The following TMEFF2 variants were observed in gnomAD, a reference collection of about 807,000 sequenced individuals.
The protein encoded by TMEFF2 is tomoregulin-2.
TMEFF2 carries 28 observed loss-of-function variants against 53.8 expected under a neutral mutation model. That is an observed-to-expected ratio of 0.52 (90% confidence interval 0.39 to 0.71). The LOEUF is 0.71. Ranked by LOEUF, TMEFF2 falls within the 30% of genes least tolerant of loss-of-function variation. The pLI is 0.00. For synonymous variants in TMEFF2, 162 were observed against 166.3 expected, an observed-to-expected ratio of 0.97 and a Z score of 0.20; for missense variants, 353 against 455.2, an observed-to-expected ratio of 0.78 and a Z score of 2.04.
chr2:192,194,110 G>A lies in TMEFF2; in HGVS notation c.172+243C>T, dbSNP rs1274123779. On this transcript the variant is annotated intron_variant, in intron 1 of 9. Transcript: ENST00000272771. This position sits in a 1 kb window ranked among gnomAD's most constrained non-coding sequence, Gnocchi z 4.2. ...TTCTCAAAATCCTCGCAGCTCCAATGTAAGCGCAAGCATGCAAAGGTTTCC... is the reference window on the plus strand; with the variant it reads ...TTCTCAAAATCCTCGCAGCTCCAATATAAGCGCAAGCATGCAAAGGTTTCC... 6.6e-6 allele frequency among the ~76,000 whole-genome samples: 1 copy of A among 152,134 alleles called. No individual in the cohort carries two copies. The highest frequency in any genetic ancestry group is 1.5e-5 in the Non-Finnish European group (1 of 68,026).
At chr2:192,125,265 G>A (rs1247368098) in intron 4 of TMEFF2, among the ~76,000 whole-genome samples, 1 of 151,956 alleles carries the variant, frequency 6.6e-6, no homozygotes, top group Non-Finnish European at 1.5e-5. Flanking sequence ...TAAAATAAAC[G>A]TTACAGGGAG....
chr2:192,032,477 G>C (rs564695160), intron 5 of TMEFF2: 1 of 152,260 alleles, frequency 6.6e-6, no homozygotes, highest in Non-Finnish European at 1.5e-5. Context: ...ATAAATCCTA[G>C]AAATGAGTTT....
chr2:192,180,589 GC>G (rs1691161350), intron 3 of TMEFF2, among the ~76,000 whole-genome samples: 1 of 151,650 alleles, frequency 6.6e-6, no homozygotes, highest in Non-Finnish European at 1.5e-5. Flanking sequence ...GATATTCTCT[GC>G]CTGATGTGCC....
In TMEFF2 at chr2:192,168,541, C is replaced by T. The variant is rs1012493150; in HGVS notation, c.439+11127G>A. On this transcript the variant is annotated intron_variant, in intron 4 of 9. Transcript: ENST00000272771. ...TCAATTCTTTTCTTTCTGCACACTA[C>T]TTTTGGAGAATGAGGTAGATCACAA... Among the ~76,000 whole-genome samples the T allele has an allele frequency of 1.3e-5, 2 of 152,098 alleles. 1 individual carries two copies. Among genetic ancestry groups the T allele is most frequent in the Non-Finnish European group, 2.9e-5 (2 of 68,016 alleles).
rs948955031 is a variant in TMEFF2 at position 191,949,408 on chromosome 2, T to TAA, written c.*901_*902dup. The TAA allele has an allele frequency of 1.0e-6, 1 of 985,314 alleles. No homozygotes were observed. Among genetic ancestry groups the TAA allele is most frequent in the African/African-American group, 1.7e-5 (1 of 57,248 alleles). The allele number at this position is 985,314 out of a possible 1,614,324, so 61.0% of individuals were successfully genotyped here. A position where few individuals can be genotyped will look rare whatever the true frequency, so the allele number is the denominator to read the frequency against. On this transcript the variant is annotated 3_prime_UTR_variant, in exon 10 of 10. Coordinates refer to ENST00000272771, the MANE Select transcript of TMEFF2 (RefSeq NM_016192.4). Reference sequence around the variant, plus strand: ...ATTCATGGGGTATTGGTTGTGATTCTAACTTCTTTTCAAAGAACTATATAC... The same window carrying TAA: ...ATTCATGGGGTATTGGTTGTGATTCTAAAACTTCTTTTCAAAGAACTATATAC...
intron 4 of TMEFF2, among the ~76,000 whole-genome samples, chr2:192,173,497 G>A (rs1374505818): frequency 5.3e-5 from 8 of 151,652 alleles, no homozygotes; most frequent in Admixed American, 1.3e-4. Flanking sequence ...AATGCTTAGT[G>A]CCCTCACAAA....
intron 4 of TMEFF2, among the ~76,000 whole-genome samples, chr2:192,142,434 C>A (rs1690159544): frequency 6.6e-6 from 1 of 151,960 alleles, no homozygotes; most frequent in African/African-American, 2.4e-5. Flanking sequence ...AAAAGTTACA[C>A]AAATTTCTCG....
chr2:191,992,830 C>G (rs1686139778), intron 7 of TMEFF2: 1 of 152,028 alleles, frequency 6.6e-6, no homozygotes, highest in Non-Finnish European at 1.5e-5. Flanking sequence ...TTGAGTAACT[C>G]TTTTGAGCAT....
chr2:192,137,128 G>A (rs1022972488), intron 4 of TMEFF2, among the ~76,000 whole-genome samples: 1 of 152,214 alleles, frequency 6.6e-6, no homozygotes, highest in Admixed American at 6.5e-5. Flanking sequence ...AAGAAGTGGT[G>A]TGTAATCAGG....
At chr2:192,076,687 C>CCA (rs1195016031) in intron 4 of TMEFF2, among the ~76,000 whole-genome samples, 1 of 152,160 alleles carries the variant, frequency 6.6e-6, no homozygotes, top group African/African-American at 2.4e-5. Flanking sequence ...TCTACTAGCA[C>CCA]CACCTCATTG....
rs769239017 is a variant in TMEFF2 at position 191,998,324 on chromosome 2, G to A, written c.686-3C>T. ...CTTAGTAGTTGTAGTTGTGTTATCT[G>A]TGTTAAAAAATTAACAATAAAAATT... is the stretch of plus-strand genomic sequence containing the variant. On this transcript the variant is annotated splice_region_variant and splice_polypyrimidine_tract_variant and intron_variant, in intron 6 of 9. Transcript: ENST00000272771. 7 of 1,593,130 alleles carry A rather than the reference G, an allele frequency of 4.4e-6. No homozygotes were observed. The South Asian group carries it at 8.0e-5, about 18-fold the overall frequency.
At chr2:192,133,811 C>CT (rs1188978005) in intron 4 of TMEFF2, among the ~76,000 whole-genome samples, 1 of 152,226 alleles carries the variant, frequency 6.6e-6, no homozygotes, top group African/African-American at 2.4e-5. Context: ...TTACTTCAGT[C>CT]AAGCCCAAAT....
intron 5 of TMEFF2, chr2:192,036,362 T>C (rs1374710272): frequency 6.6e-6 from 1 of 152,182 alleles, no homozygotes; most frequent in Non-Finnish European, 1.5e-5. Context: ...AATAAAACTC[T>C]CATGTAAGAT....
intron 4 of TMEFF2, among the ~76,000 whole-genome samples, chr2:192,156,126 G>A (rs938547942): frequency 6.6e-5 from 10 of 151,950 alleles, no homozygotes; most frequent in African/African-American, 2.4e-4. Context: ...CTGGTGCCCA[G>A]GAAACAGATA....
intron 7 of TMEFF2, among the ~76,000 whole-genome samples, chr2:191,959,686 T>A (rs1238227836): frequency 6.6e-6 from 1 of 152,170 alleles, no homozygotes. Flanking sequence ...GAAAATAAGA[T>A]GTTGTTTAGA....
intron 4 of TMEFF2, 33 bp downstream of exon 4, chr2:192,179,635 A>C (rs1269608011): frequency 6.4e-7 from 1 of 1,562,742 alleles, no homozygotes; most frequent in Admixed American, 1.9e-5. Flanking sequence ...ATCCACCAGT[A>C]AATCTTCAAA....
intron 7 of TMEFF2, among the ~76,000 whole-genome samples, 192 bp downstream of exon 7, chr2:191,998,070 C>T (rs1452144981): frequency 6.6e-6 from 1 of 151,862 alleles, no homozygotes; most frequent in African/African-American, 2.4e-5. Context: ...TTAACTCTGG[C>T]AAAAACCGTA....
intron 4 of TMEFF2, among the ~76,000 whole-genome samples, chr2:192,091,191 C>T (rs1019324832): frequency 2.0e-5 from 3 of 152,102 alleles, no homozygotes; most frequent in Non-Finnish European, 4.4e-5. Context: ...GTGGTACTTC[C>T]CCCGTGTGTA....
chr2:191,969,408 A>G (rs1692567899), intron 7 of TMEFF2, among the ~76,000 whole-genome samples: 1 of 152,146 alleles, frequency 6.6e-6, no homozygotes, highest in African/African-American at 2.4e-5. Flanking sequence ...GGTAAGGTGC[A>G]ATATGGCAGA....
Sources: gnomAD v4.1 joint callset for allele counts (sites outside exome capture counted in the v4.1 genomes callset) on GRCh38, gnomAD v4.1.1 for gene constraint, Gnocchi (gnomAD v3.1) non-coding constraint, MANE v1.5 for transcripts, NCBI Gene and HGNC (gene_info 2026-07-23, HGNC 2026-07-21) for gene names.